Variants in OTOF observed in about 807,000 individuals in gnomAD.
The protein encoded by OTOF is otoferlin.
OTOF carries 218 observed loss-of-function variants against 236.8 expected under a neutral mutation model. The observed-to-expected ratio is 0.92, with a 90% CI of 0.82 to 1.03. OTOF has a LOEUF of 1.03. Among genes scored for constraint, OTOF ranks in the 50% least tolerant of loss-of-function variants. The pLI is 0.00. For synonymous variants in OTOF, 1,041 were observed against 1,072.5 expected (o/e 0.97, Z 0.57); for missense variants, 2,590 against 2,694.4 (o/e 0.96, Z 0.86).
At chr2:26,471,278 C>G (rs1471060540) in intron 30 of OTOF, 128 bp from the exon 31 acceptor site, 5 of 1,019,810 alleles carry the variant, frequency 4.9e-6, no homozygotes, top group African/African-American at 1.6e-5. Context: ...CCCCTGTGCC[C>G]GCAAGGCCAA....
At chr2:26,543,326 G>C (rs1312312383) in intron 1 of OTOF, among the ~76,000 whole-genome samples, 2 of 152,186 alleles carry the variant, frequency 1.3e-5, no homozygotes, top group African/African-American at 4.8e-5. Flanking sequence ...CTGGGAGCTG[G>C]CCATCCAACC....
intron 1 of OTOF, among the ~76,000 whole-genome samples, chr2:26,542,939 T>G (rs1016168650): frequency 1.3e-5 from 2 of 152,208 alleles, no homozygotes; most frequent in East Asian, 3.8e-4. Flanking sequence ...TGTCCCTGTG[T>G]GAGCTGAGAA....
At chr2:26,534,248 GC>G (rs1455327765) in intron 2 of OTOF, among the ~76,000 whole-genome samples, 2 of 152,116 alleles carry the variant, frequency 1.3e-5, no homozygotes, top group Non-Finnish European at 2.9e-5. Flanking sequence ...CTTATCATTG[GC>G]ACAAGTACTA....
rs1291297360 is a variant in OTOF at position 26,470,690 on chromosome 2, T to A, written c.3926A>T (p.Lys1309Met). 1 of 1,613,342 alleles carries A rather than the reference T, an allele frequency of 6.2e-7. No homozygotes were observed. The highest frequency in any genetic ancestry group is 2.2e-5 in the East Asian group (1 of 44,870). The change falls in exon 32 of 47, where the codon AAG (lysine) becomes ATG (methionine). Residue 1309 changes from lysine to methionine, a missense_variant. By Grantham distance (95) the Lys-to-Met change is moderately conservative. Transcript: ENST00000272371. The surrounding 1 kb of genome is among the most constrained non-coding windows in gnomAD (Gnocchi z 4.3). Reference sequence around the variant, plus strand: ...CTCTGGCTCCTCCGCAGTGCCCTTCTTCTTCTTCTTCTTCTCCTTCTCCTC... The same window carrying A: ...CTCTGGCTCCTCCGCAGTGCCCTTCATCTTCTTCTTCTTCTCCTTCTCCTC... ...AEEEKEKKKK[K>M]KGTAEEPEEE... is the part of the protein sequence containing the mutation.
rs573414165 is a variant in OTOF at position 26,545,160 on chromosome 2, A to G, written c.80-7386T>C. Among the ~76,000 whole-genome samples the G allele has an allele frequency of 2.6e-5, 4 of 152,318 alleles. No individual in the cohort carries two copies. The South Asian group carries it at 8.3e-4, about 32-fold the overall frequency. ...AATTTCAGTTGTTCCATCCTCATCA[A>G]CATTTGATTACTGTCAGACTTTTAC... On this transcript the variant is annotated intron_variant, in intron 1 of 46. Coordinates refer to ENST00000272371, the MANE Select transcript of OTOF (RefSeq NM_194248.3).
At position 26,480,769 on chromosome 2, in the gene OTOF, A is replaced by G. The variant is rs1665516520; in HGVS notation, c.1803+17T>C. Reference sequence around the variant, plus strand: ...AGCTGGAGGCCCTGGGGGACAGCACAGTGCCTGGGGTCTCACCTCCGAGAT... The same window carrying G: ...AGCTGGAGGCCCTGGGGGACAGCACGGTGCCTGGGGTCTCACCTCCGAGAT... On this transcript the variant is annotated intron_variant, in intron 15 of 46. Transcript: ENST00000272371. 6.2e-7 allele frequency: 1 copy of G among 1,603,572 alleles called. No individual in the cohort carries two copies. Among genetic ancestry groups the G allele is most frequent in the Non-Finnish European group, 8.5e-7 (1 of 1,173,668 alleles).
intron 18 of OTOF, among the ~76,000 whole-genome samples, chr2:26,478,220 C>T (rs1020907750): frequency 2.0e-5 from 3 of 152,160 alleles, no homozygotes; most frequent in Non-Finnish European, 2.9e-5. Context: ...CCAGGTCCCA[C>T]AGGAAACACA....
In OTOF at chr2:26,460,908, C is replaced by T. The variant is rs373876327; in HGVS notation, c.5656G>A (p.Val1886Ile). The T allele has an allele frequency of 2.7e-5, 43 of 1,614,162 alleles. No individual in the cohort carries two copies. Among genetic ancestry groups the T allele is most frequent in the African/African-American group, 4.0e-5 (3 of 75,038 alleles). ...PLVSIFKQKR[V>I]KGWWPLLARN... ...GCCAGGAGGGGCCACCAGCCTTTGA[C>T]GCGCTTTTGCTTGAAGATGGACACG... is the stretch of plus-strand genomic sequence containing the variant. Residue 1886 changes from valine to isoleucine, a missense_variant, in exon 44 of 47, where the codon GTC becomes ATC. This residue lies in a region of OTOF where 1,211 missense variants were observed against 1,352.8 expected (regional missense o/e 0.90). Transcript: ENST00000272371. This position sits in a 1 kb window ranked among gnomAD's most constrained non-coding sequence, Gnocchi z 5.3.
At chr2:26,522,509 C>T (rs1010760444) in intron 3 of OTOF, among the ~76,000 whole-genome samples, 8 of 152,292 alleles carry the variant, frequency 5.3e-5, no homozygotes, top group Admixed American at 4.6e-4. Flanking sequence ...GCGACCCTGC[C>T]CGCCGCAGCT....
rs773624338 is a variant in OTOF, at chr2:26,462,157, C to T, written c.5217G>A (p.Trp1739Ter). ...CCTCCAAGACCACCTCATCTGTGTT[C>T]CAGATGATGACCCGCAGCTCGTACC... The part of the protein sequence containing the change: ...PKKYELRVII[W>*]NTDEVVLEDD... The change falls in exon 42 of 47, where the codon TGG becomes TGA. Residue 1739 changes from tryptophan (W) to a stop codon, truncating the protein, a stop_gained. Coordinates refer to ENST00000272371, the MANE Select transcript of OTOF (RefSeq NM_194248.3). LOFTEE classifies it high-confidence loss of function. The surrounding 1 kb of genome is among the most constrained non-coding windows in gnomAD (Gnocchi z 4.7). The T allele has an allele frequency of 6.2e-7, 1 of 1,613,610 alleles. No homozygotes were observed. The highest frequency in any genetic ancestry group is 8.5e-7 in the Non-Finnish European group (1 of 1,179,774).
At chr2:26,548,884 C>T (rs1410398156) in intron 1 of OTOF, among the ~76,000 whole-genome samples, 2 of 152,084 alleles carry the variant, frequency 1.3e-5, no homozygotes, top group Non-Finnish European at 2.9e-5. Flanking sequence ...TATCACTAAG[C>T]GATGCCTGAC....
chr2:26,465,366 G>A (rs557926430), intron 38 of OTOF, among the ~76,000 whole-genome samples: 2 of 152,320 alleles, frequency 1.3e-5, no homozygotes, highest in East Asian at 3.9e-4. Context: ...GCCTATAAGT[G>A]GCAGAGCTGG....
intron 5 of OTOF, chr2:26,510,800 T>A (rs1666367000): frequency 8.3e-7 from 1 of 1,210,264 alleles, no homozygotes; most frequent in Admixed American, 2.3e-5. Flanking sequence ...TGAGGGGCTG[T>A]GGACCAGAGA....
At chr2:26,540,979 C>T (rs751830256) in intron 1 of OTOF, among the ~76,000 whole-genome samples, 15 of 152,194 alleles carry the variant, frequency 9.9e-5, no homozygotes, top group African/African-American at 1.7e-4. Flanking sequence ...TAATTTTCCC[C>T]GCAGGTAACA....
Position 26,527,874 on chromosome 2 carries a change from A to G in OTOF, c.185T>C (p.Leu62Pro), listed in dbSNP as rs761506005. Reference protein sequence around the residue: ...VASSIDRNEMLEIQVFNYSKV... With the variant: ...VASSIDRNEMPEIQVFNYSKV... ...GCTGTAGTTGAAAACCTGAATCTCC[A>G]GCATCTCATTTCTGTCGATGCTGCT... is the stretch of plus-strand genomic sequence containing the variant. The change falls in exon 3 of 47, where the codon CTG (leucine) becomes CCG (proline). Residue 62 changes from leucine (L) to proline (P), a missense_variant. Leu to Pro is a moderately conservative substitution (Grantham distance 98). Transcript: ENST00000272371. 22 of 1,614,114 alleles carry G rather than the reference A, an allele frequency of 1.4e-5. No homozygotes were observed. In the South Asian group the frequency reaches 2.0e-4, roughly 14 times the overall value.
chr2:26,501,862 A>G, intron 7 of OTOF, 54 bp from the exon 8 acceptor site: 1 of 1,293,592 alleles, frequency 7.7e-7, no homozygotes, highest in Admixed American at 1.7e-5. Context: ...CTTGTTGGGG[A>G]GGAGGACACT....
intron 1 of OTOF, among the ~76,000 whole-genome samples, chr2:26,550,725 C>T (rs1184294794): frequency 6.6e-6 from 1 of 152,186 alleles, no homozygotes; most frequent in Admixed American, 6.5e-5. Context: ...TCTCATGGCG[C>T]CTGCTGAGGC....
At chr2:26,543,725 T>G (rs1043130702) in intron 1 of OTOF, among the ~76,000 whole-genome samples, 2 of 152,228 alleles carry the variant, frequency 1.3e-5, no homozygotes, top group Non-Finnish European at 2.9e-5. Flanking sequence ...TGTTTTGAAT[T>G]TATTTTTTTG....
At chr2:26,483,706 C>T (rs1572440047) in intron 12 of OTOF, 58 bp from the exon 13 acceptor site, 3 of 1,496,986 alleles carry the variant, frequency 2.0e-6, no homozygotes, top group East Asian at 4.6e-5. Flanking sequence ...AACCCCCATC[C>T]TGGCATCTAC....
Sources: gnomAD v4.1 joint callset for allele counts (sites outside exome capture counted in the v4.1 genomes callset) on GRCh38, gnomAD v4.1.1 for gene constraint, gnomAD v4.1.1 regional missense constraint, Gnocchi (gnomAD v3.1) non-coding constraint, MANE v1.5 for transcripts, NCBI Gene and HGNC (gene_info 2026-07-23, HGNC 2026-07-21) for gene names.